PEX10: variants seen among roughly 807,000 people sequenced by gnomAD.
The protein encoded by PEX10 is peroxisome biogenesis factor 10.
A neutral mutation model predicts 38.0 loss-of-function variants in PEX10; 32 were observed. The ratio of observed to expected loss-of-function variants is 0.84; its 90% CI spans 0.63 to 1.13. The LOEUF (loss-of-function observed/expected upper bound fraction) is 1.13. Among genes scored for constraint, PEX10 ranks in the 50% most tolerant of loss-of-function variants. The pLI is 0.00. For synonymous variants in PEX10, 206 were observed against 207.3 expected (o/e 0.99, Z 0.05); for missense variants, 483 against 457.7 (o/e 1.06, Z -0.51).
At position 2,408,786 on chromosome 1, in the gene PEX10, G is replaced by C. The variant is rs769847524; in HGVS notation, c.266C>G (p.Ser89Trp). 4 of 1,614,028 alleles carry C rather than the reference G, an allele frequency of 2.5e-6. No individual in the cohort carries two copies. Among genetic ancestry groups the C allele is most frequent in the South Asian group, 1.1e-5 (1 of 91,088 alleles). Residue 89 changes from serine to tryptophan, a missense_variant, in exon 3 of 6, where the codon TCG becomes TGG. Coordinates refer to ENST00000447513, the MANE Select transcript of PEX10 (RefSeq NM_002617.4). ...TGTCACCAGCACGCCACGGCGCAGC[G>C]AGGAGGGCACATGTATCCGCGATGG... is the stretch of plus-strand genomic sequence containing the variant. The part of the protein sequence containing the change: ...VDPSRIHVPS[S>W]LRRGVLVTLH...
intron 3 of PEX10, 167 bp from the exon 4 acceptor site, chr1:2,407,062 G>A: frequency 1.1e-6 from 1 of 928,122 alleles, no homozygotes; most frequent in Non-Finnish European, 1.7e-6. Flanking sequence ...CAGGTTCAGG[G>A]AGTCTGAGGT....
chr1:2,412,276 A>C, intron 1 of PEX10, 115 bp downstream of exon 1: 1 of 1,244,144 alleles, frequency 8.0e-7, no homozygotes, highest in Non-Finnish European at 1.0e-6. Flanking sequence ...GCCGGGTCCC[A>C]GGTTGTGGGA....
In PEX10 at chr1:2,406,938, A is replaced by G; in HGVS notation, c.601-43T>C. ...CCACACTCATCAGGACCCTGAGGGG[A>G]TCTGGCCTCAGCGCCTGCTGGGAGG... On this transcript the variant is annotated intron_variant, in intron 3 of 5. Transcript: ENST00000447513. 1 of 1,592,422 alleles carries G rather than the reference A, an allele frequency of 6.3e-7. No homozygotes were observed. The highest frequency in any genetic ancestry group is 1.1e-5 in the South Asian group (1 of 87,860).
chr1:2,406,051 G>T (rs1642990360), intron 5 of PEX10, among the ~76,000 whole-genome samples: 1 of 152,088 alleles, frequency 6.6e-6, no homozygotes, highest in Non-Finnish European at 1.5e-5. Context: ...CAGGGTGTGG[G>T]GCTCGGCCGG....
chr1:2,413,180 C>G (rs778631805), upstream of PEX10, among the ~76,000 whole-genome samples: 1 of 152,242 alleles, frequency 6.6e-6, no homozygotes, highest in Non-Finnish European at 1.5e-5. Context: ...GAAAAGCACA[C>G]GGCCGGCTTG....
Position 2,404,706 on chromosome 1 carries a change from T to C in PEX10, c.*1060A>G, listed in dbSNP as rs1335751533. On this transcript the variant is annotated 3_prime_UTR_variant, in exon 6 of 6. Coordinates refer to ENST00000447513, the MANE Select transcript of PEX10 (RefSeq NM_002617.4). ...GCGGGTCTTTGCCGGAAGCCGGTCC[T>C]GCTGGCCAGGTGTTTTACGTCAGCA... 6.6e-6 allele frequency: 1 copy of C among 152,286 alleles called. No individual in the cohort carries two copies. Among genetic ancestry groups the C allele is most frequent in the Non-Finnish European group, 1.5e-5 (1 of 68,052 alleles). 9.4% of individuals were successfully genotyped at this position (152,286 alleles called of 1,614,324 possible).
rs991110654 is a variant in PEX10, at chr1:2,405,550, G to C, written c.*216C>G. On this transcript the variant is annotated 3_prime_UTR_variant, in exon 6 of 6. Transcript: ENST00000447513. The stretch of plus-strand genomic sequence containing the variant: ...CTGAGTCCTACCAGGTTGGGGTTAG[G>C]GAAATGTTCTGGGTTCAGGCGCCCC... 1 of 669,562 alleles carries C rather than the reference G, an allele frequency of 1.5e-6. No individual in the cohort carries two copies. The highest frequency in any genetic ancestry group is 1.8e-5 in the African/African-American group (1 of 56,326). The allele number at this position is 669,562 out of a possible 1,614,324, so 41.5% of individuals were successfully genotyped here. A position where few individuals can be genotyped will look rare whatever the true frequency, so the allele number is the denominator to read the frequency against.
rs77530733 is a variant in PEX10 at position 2,412,054 on chromosome 1, G to A, written c.112+337C>T. ...AGGGAGGCTTGAAGCACTTGCCAAG[G>A]CCTCACACCTGGAGGGGACAGAGTC... On this transcript the variant is annotated intron_variant, in intron 1 of 5. Transcript: ENST00000447513. Among the ~76,000 whole-genome samples the A allele has an allele frequency of 5.0e-3, 756 of 152,346 alleles. 4 individuals carry two copies. Among genetic ancestry groups the A allele is most frequent in the African/African-American group, 0.017 (708 of 41,586 alleles).
Position 2,412,558 on chromosome 1 carries a change from G to T in PEX10, c.-56C>A. The T allele has an allele frequency of 3.3e-6, 4 of 1,223,482 alleles. No individual in the cohort carries two copies. Among genetic ancestry groups the T allele is most frequent in the South Asian group, 2.3e-5 (1 of 42,750 alleles). 75.8% of individuals were successfully genotyped at this position (1,223,482 alleles called of 1,614,324 possible). A position where few individuals can be genotyped will look rare whatever the true frequency, so the allele number is the denominator to read the frequency against. On this transcript the variant is annotated 5_prime_UTR_variant, in exon 1 of 6. Coordinates refer to ENST00000447513, the MANE Select transcript of PEX10 (RefSeq NM_002617.4). ...ACGCCGGCCACGCCCACGCCCAGAC[G>T]GGCGAGAACTGATGACGGCACGACG...
In PEX10 at chr1:2,405,741, T is replaced by C. The variant is rs560823479; in HGVS notation, c.*25A>G. 6.3e-6 allele frequency: 10 copies of C among 1,584,650 alleles called. No homozygotes were observed. Among genetic ancestry groups the C allele is most frequent in the African/African-American group, 2.7e-5 (2 of 74,280 alleles). On this transcript the variant is annotated 3_prime_UTR_variant, in exon 6 of 6. Transcript: ENST00000447513. Reference sequence around the variant, plus strand: ...TTCAGACTCCCGTAGAGGTCATCTGTGTCCAGGCCCACCCGGGCGCCGGCT... The same window carrying C: ...TTCAGACTCCCGTAGAGGTCATCTGCGTCCAGGCCCACCCGGGCGCCGGCT...
Position 2,408,804 on chromosome 1 carries a change from C to T in PEX10, c.248G>A (p.Arg83Gln), listed in dbSNP as rs372894429. Residue 83 changes from arginine (R) to glutamine (Q), a missense_variant, in exon 3 of 6, where the codon CGG becomes CAG. Arg to Gln is a conservative substitution (Grantham distance 43, BLOSUM62 1). Coordinates refer to ENST00000447513, the MANE Select transcript of PEX10 (RefSeq NM_002617.4). ...YVSIIQVDPS[R>Q]IHVPSSLRRG... ...GCGCAGCGAGGAGGGCACATGTATCCGCGATGGGTCCACCTGGATGATGCT... is the reference window on the plus strand; with the variant it reads ...GCGCAGCGAGGAGGGCACATGTATCTGCGATGGGTCCACCTGGATGATGCT... 12 of 1,614,028 alleles carry T rather than the reference C, an allele frequency of 7.4e-6. No homozygotes were observed. The highest frequency in any genetic ancestry group is 1.6e-4 in the Middle Eastern group (1 of 6,062).
Position 2,410,929 on chromosome 1 carries a change from C to T in PEX10, c.113-478G>A. 2.2e-6 allele frequency: 1 copy of T among 454,224 alleles called. No individual in the cohort carries two copies. The highest frequency in any genetic ancestry group is 4.4e-6 in the Non-Finnish European group (1 of 225,282). 28.1% of individuals were successfully genotyped at this position (454,224 alleles called of 1,614,324 possible). On this transcript the variant is annotated intron_variant, in intron 1 of 5. Transcript: ENST00000447513. The surrounding 1 kb of genome is among the most constrained non-coding windows in gnomAD (Gnocchi z 5.1). Reference sequence around the variant, plus strand: ...AAAACACTGGGAACAGTGTCTGGCACAGGGGTAAGTGCCAAGTGTACTGTA... The same window carrying T: ...AAAACACTGGGAACAGTGTCTGGCATAGGGGTAAGTGCCAAGTGTACTGTA...
intron 3 of PEX10, among the ~76,000 whole-genome samples, chr1:2,407,487 G>A (rs947371328): frequency 1.2e-4 from 18 of 152,354 alleles, no homozygotes; most frequent in African/African-American, 4.3e-4. Flanking sequence ...CACACCGCCA[G>A]CATGGGCCCT....
chr1:2,410,451 C>A lies in PEX10; in HGVS notation c.113G>T (p.Gly38Val). Residue 38 changes from glycine to valine, a missense_variant and splice_region_variant, in exon 2 of 6, where the codon GGT becomes GTT. Transcript: ENST00000447513. The surrounding 1 kb of genome is among the most constrained non-coding windows in gnomAD (Gnocchi z 5.1). ...CCTCCACTCCAGCCACTTCCTCGCA[C>A]CTGAGAGGAGAAACAGTATTAGTCC... is the stretch of plus-strand genomic sequence containing the variant. ...AAGGALHSLA[G>V]ARKWLEWRKE... is the part of the protein sequence containing the mutation. The A allele has an allele frequency of 6.2e-7, 1 of 1,613,674 alleles. No homozygotes were observed. Among genetic ancestry groups the A allele is most frequent in the Non-Finnish European group, 8.5e-7 (1 of 1,179,618 alleles).
upstream of PEX10, among the ~76,000 whole-genome samples, chr1:2,413,436 A>G (rs1643357186): frequency 6.6e-6 from 1 of 152,224 alleles, no homozygotes; most frequent in Non-Finnish European, 1.5e-5. Context: ...TGGAGGGGAC[A>G]GAACCTTCCC....
In PEX10 at chr1:2,410,628, G is replaced by A. The variant is rs1438012548; in HGVS notation, c.113-177C>T. ...GTCTCCGGAGGCACCACCTTGACTT[G>A]CCTTAGCGTGAGCTGCAGACAGTCT... On this transcript the variant is annotated intron_variant, in intron 1 of 5. Coordinates refer to ENST00000447513, the MANE Select transcript of PEX10 (RefSeq NM_002617.4). The surrounding 1 kb of genome is among the most constrained non-coding windows in gnomAD (Gnocchi z 5.1). The A allele has an allele frequency of 3.0e-6, 2 of 661,350 alleles. No individual in the cohort carries two copies. The highest frequency in any genetic ancestry group is 4.1e-5 in the Admixed American group (2 of 48,210). The allele number at this position is 661,350 out of a possible 1,614,324, so 41.0% of individuals were successfully genotyped here.
intron 3 of PEX10, 172 bp from the exon 4 acceptor site, chr1:2,407,067 T>C: frequency 1.2e-6 from 1 of 866,276 alleles, no homozygotes; most frequent in Admixed American, 2.0e-5. Flanking sequence ...TCAGGGAGTC[T>C]GAGGTGCCTG....
At position 2,405,893 on chromosome 1, in the gene PEX10, A is replaced by G. The variant is rs3820009; in HGVS notation, c.913-59T>C. 4.3e-4 allele frequency: 576 copies of G among 1,341,072 alleles called. 2 individuals carry two copies. In the East Asian group the frequency reaches 0.012, roughly 27 times the overall value. 83.1% of individuals were successfully genotyped at this position (1,341,072 alleles called of 1,614,324 possible). ...GGGCCACTGGGCCATGCCCATCCCCATCGGCATTTCTTTTCCTGTCCACAT... is the reference window on the plus strand; with the variant it reads ...GGGCCACTGGGCCATGCCCATCCCCGTCGGCATTTCTTTTCCTGTCCACAT... On this transcript the variant is annotated intron_variant, in intron 5 of 5. Transcript: ENST00000447513.
rs1225833505 is a variant in PEX10 at position 2,410,334 on chromosome 1, G to A, written c.193+37C>T. The A allele has an allele frequency of 1.9e-6, 3 of 1,556,716 alleles. No individual in the cohort carries two copies. The highest frequency in any genetic ancestry group is 2.7e-6 in the Non-Finnish European group (3 of 1,127,960). On this transcript the variant is annotated intron_variant, in intron 2 of 5. Transcript: ENST00000447513. The surrounding 1 kb of genome is among the most constrained non-coding windows in gnomAD (Gnocchi z 5.1). ...ACCGTCCCCAGACTTGGTGTGTGTGGCTGCCCTCAGTCCTGAGGTCCCGTG... is the reference window on the plus strand; with the variant it reads ...ACCGTCCCCAGACTTGGTGTGTGTGACTGCCCTCAGTCCTGAGGTCCCGTG...
Sources: allele counts gnomAD v4.1 joint callset (sites outside exome capture counted in the v4.1 genomes callset), GRCh38; gene constraint gnomAD v4.1.1; non-coding constraint Gnocchi (gnomAD v3.1); transcripts MANE v1.5; gene names NCBI Gene and HGNC (gene_info 2026-07-23, HGNC 2026-07-21).